The following LRRTM3 variants were observed in gnomAD, a reference collection of about 807,000 sequenced individuals.
LRRTM3 encodes leucine-rich repeat transmembrane neuronal protein 3.
A neutral mutation model predicts 44.7 loss-of-function variants in LRRTM3; 24 were observed. That is an observed-to-expected ratio of 0.54 (90% confidence interval 0.39 to 0.76). LRRTM3 has a LOEUF of 0.76. Ranked by LOEUF, LRRTM3 falls within the 30% of genes least tolerant of loss-of-function variation. The probability of loss-of-function intolerance (pLI) is 0.00; values close to 1 mark genes in which losing one functional copy is unlikely to be tolerated. For missense variants in LRRTM3, 587 were observed against 702.2 expected, an observed-to-expected ratio of 0.84 and a Z score of 1.85; for synonymous variants, 277 against 278.7, an observed-to-expected ratio of 0.99 and a Z score of 0.06.
intron 2 of LRRTM3, among the ~76,000 whole-genome samples, chr10:67,040,893 T>C (rs939227936): frequency 7.0e-4 from 106 of 152,218 alleles, no homozygotes; most frequent in African/African-American, 2.5e-3. Flanking sequence ...GAGACAAAGA[T>C]AAAAAAGACC....
At chr10:67,008,183 A>G (rs1017824286) in intron 2 of LRRTM3, among the ~76,000 whole-genome samples, 2 of 152,124 alleles carry the variant, frequency 1.3e-5, no homozygotes, top group Non-Finnish European at 2.9e-5. Context: ...GGAAAAACTT[A>G]TGCTTTAAAA....
Position 66,996,649 on chromosome 10 carries a change from C to CAAAAA in LRRTM3, c.1536+68215_1536+68219dup, listed in dbSNP as rs57025097. ...GTGAGAGAGTGAGACTCCGTCTCTA[C>CAAAAA]AAAAAAAAAAAAAAAAAAAAAAGCA... On this transcript the variant is annotated intron_variant, in intron 2 of 2. Coordinates refer to ENST00000361320, the MANE Select transcript of LRRTM3 (RefSeq NM_178011.5). 2.4e-3 allele frequency among the ~76,000 whole-genome samples: 160 copies of CAAAAA among 67,620 alleles called. 17 individuals are homozygous for CAAAAA. The highest frequency in any genetic ancestry group is 7.7e-3 in the African/African-American group (130 of 16,842). 44.4% of individuals were successfully genotyped at this position (67,620 alleles called of 152,430 possible). A position where few individuals can be genotyped will look rare whatever the true frequency, so the allele number is the denominator to read the frequency against.
At chr10:66,990,974 T>C (rs562548568) in intron 2 of LRRTM3, among the ~76,000 whole-genome samples, 16 of 152,312 alleles carry the variant, frequency 1.1e-4, no homozygotes, top group Admixed American at 9.2e-4. Flanking sequence ...TGAGTAATCA[T>C]GATGGCATGT....
chr10:66,967,273 G>C (rs1475753507), intron 2 of LRRTM3, among the ~76,000 whole-genome samples: 1 of 151,436 alleles, frequency 6.6e-6, no homozygotes, highest in African/African-American at 2.4e-5. Context: ...ATAAGCCCAG[G>C]TCATCTGCTA....
chr10:67,072,727 T>G lies in LRRTM3; in HGVS notation c.1537-24860T>G, dbSNP rs578221436. Among the ~76,000 whole-genome samples, 7 of 152,310 alleles carry G rather than the reference T, an allele frequency of 4.6e-5. 1 individual carries two copies. Among genetic ancestry groups the G allele is most frequent in the Admixed American group, 4.6e-4 (7 of 15,300 alleles). Reference sequence around the variant, plus strand: ...CCCTGAAAAAGTTCTCTTTCAGAAGTTTTCAGCTCATTTCTTTATCTTAGG... The same window carrying G: ...CCCTGAAAAAGTTCTCTTTCAGAAGGTTTCAGCTCATTTCTTTATCTTAGG... On this transcript the variant is annotated intron_variant, in intron 2 of 2. Transcript: ENST00000361320.
chr10:67,041,675 T>C (rs912141722), intron 2 of LRRTM3, among the ~76,000 whole-genome samples: 1 of 152,142 alleles, frequency 6.6e-6, no homozygotes, highest in African/African-American at 2.4e-5. Flanking sequence ...ATGTGTCTAT[T>C]AATACATTCA....
chr10:66,965,495 A>T (rs1349957753), intron 2 of LRRTM3, among the ~76,000 whole-genome samples: 1 of 150,000 alleles, frequency 6.7e-6, no homozygotes, highest in Non-Finnish European at 1.5e-5. Flanking sequence ...AGATCGCACC[A>T]CTGCACTCCA....
At chr10:67,064,310 T>C (rs1589684608) in intron 2 of LRRTM3, among the ~76,000 whole-genome samples, 1 of 152,134 alleles carries the variant, frequency 6.6e-6, no homozygotes, top group Non-Finnish European at 1.5e-5. Flanking sequence ...TCTTGTTAGG[T>C]TTAATTTCAT....
chr10:66,998,070 T>C (rs1038139316), intron 2 of LRRTM3, among the ~76,000 whole-genome samples: 1 of 152,200 alleles, frequency 6.6e-6, no homozygotes, highest in African/African-American at 2.4e-5. Context: ...CTCATTCTTC[T>C]ACAACAATTG....
intron 2 of LRRTM3, among the ~76,000 whole-genome samples, chr10:67,042,103 C>G (rs1854430738): frequency 6.6e-6 from 1 of 152,078 alleles, no homozygotes; most frequent in Admixed American, 6.6e-5. Flanking sequence ...TTTTAATAAA[C>G]AGGAGAAAAC....
At chr10:67,020,163 T>G (rs1297635172) in intron 2 of LRRTM3, among the ~76,000 whole-genome samples, 1 of 152,174 alleles carries the variant, frequency 6.6e-6, no homozygotes, top group Non-Finnish European at 1.5e-5. Context: ...TTTTTTATAA[T>G]CATAGCTTAA....
At chr10:67,038,706 C>T (rs1167860588) in intron 2 of LRRTM3, among the ~76,000 whole-genome samples, 2 of 152,020 alleles carry the variant, frequency 1.3e-5, no homozygotes, top group African/African-American at 4.8e-5. Flanking sequence ...AAACAATTAA[C>T]AGGGTTAACA....
chr10:66,957,520 T>A (rs1848888094), intron 2 of LRRTM3, among the ~76,000 whole-genome samples: 1 of 150,662 alleles, frequency 6.6e-6, no homozygotes, highest in Admixed American at 6.7e-5. Flanking sequence ...TTGGGCATAG[T>A]GGGAAGGACA....
intron 2 of LRRTM3, among the ~76,000 whole-genome samples, chr10:67,047,521 G>A (rs1854829201): frequency 6.6e-6 from 1 of 152,130 alleles, no homozygotes; most frequent in Non-Finnish European, 1.5e-5. Context: ...AAAAGAGGCA[G>A]AAACATGTGT....
intron 2 of LRRTM3, among the ~76,000 whole-genome samples, chr10:66,987,675 C>T (rs535253868): frequency 1.0e-3 from 154 of 152,256 alleles, no homozygotes; most frequent in African/African-American, 3.5e-3. Flanking sequence ...TTTTTCCATT[C>T]AAAGACTTAC....
chr10:66,947,547 C>T (rs994827678), intron 2 of LRRTM3, among the ~76,000 whole-genome samples: 2 of 152,032 alleles, frequency 1.3e-5, no homozygotes, highest in East Asian at 1.9e-4. Context: ...TCTCCCTCTC[C>T]CCTGCTGAAA....
chr10:67,081,628 T>C (rs1223983413), intron 2 of LRRTM3, among the ~76,000 whole-genome samples: 1 of 152,234 alleles, frequency 6.6e-6, no homozygotes, highest in Non-Finnish European at 1.5e-5. Flanking sequence ...TGTATTCTCA[T>C]ATGTATACCT....
chr10:67,067,118 T>C (rs1177691953), intron 2 of LRRTM3, among the ~76,000 whole-genome samples: 1 of 152,210 alleles, frequency 6.6e-6, no homozygotes, highest in Non-Finnish European at 1.5e-5. Context: ...AAAGTCATTA[T>C]GTATTCATAA....
chr10:67,074,222 G>A (rs750174027), intron 2 of LRRTM3, among the ~76,000 whole-genome samples: 9 of 151,288 alleles, frequency 5.9e-5, no homozygotes, highest in Admixed American at 1.3e-4. Context: ...TAATAGAAAC[G>A]GGGTTTCACC....
Sources: gnomAD v4.1 joint callset for allele counts (sites outside exome capture counted in the v4.1 genomes callset) on GRCh38, gnomAD v4.1.1 for gene constraint, MANE v1.5 for transcripts, NCBI Gene and HGNC (gene_info 2026-07-23, HGNC 2026-07-21) for gene names.